Variants in FLVCR1 observed in about 807,000 individuals in gnomAD.
The protein encoded by FLVCR1 is FLVCR choline and heme transporter 1.
In FLVCR1, 34 loss-of-function variants were observed where a neutral mutation model predicts 53.6. The observed-to-expected ratio is 0.63, with a 90% CI of 0.48 to 0.84. The LOEUF (loss-of-function observed/expected upper bound fraction) is 0.84, where lower values mean the gene tolerates loss of function less well. Among genes scored for constraint, FLVCR1 ranks in the 40% least tolerant of loss-of-function variants. The probability of loss-of-function intolerance (pLI) is 0.00; values close to 1 mark genes in which losing one functional copy is unlikely to be tolerated. For synonymous variants in FLVCR1, 300 were observed against 286.3 expected (o/e 1.05, Z -0.48); for missense variants, 677 against 696.7 (o/e 0.97, Z 0.32).
chr1:212,888,094 A>G (rs1177965645), intron 6 of FLVCR1, 93 bp downstream of exon 6: 2 of 768,116 alleles, frequency 2.6e-6, no homozygotes, highest in Non-Finnish European at 4.5e-6. Flanking sequence ...AGTTCATCCA[A>G]AGTTTCTTCA....
chr1:212,861,780 C>T (rs1426256310), intron 1 of FLVCR1, among the ~76,000 whole-genome samples: 1 of 152,082 alleles, frequency 6.6e-6, no homozygotes, highest in Non-Finnish European at 1.5e-5. Flanking sequence ...TGCCATTCTC[C>T]TGCCTCAGCC....
intron 1 of FLVCR1, 96 bp from the exon 2 acceptor site, chr1:212,863,629 A>T: frequency 9.1e-7 from 1 of 1,095,966 alleles, no homozygotes. Flanking sequence ...AAGCACCTTT[A>T]TAAACACTAG....
rs557583474 is a variant in FLVCR1 at position 212,888,793 on chromosome 1, T to TC, written c.1413+205dup. On this transcript the variant is annotated intron_variant, in intron 7 of 9. Coordinates refer to ENST00000366971, the MANE Select transcript of FLVCR1 (RefSeq NM_014053.4). ...TCAAACTCCTAGGCTCAAGCAATCC[T>TC]CCCCCCTCTGCCTCCAGAGTTTTTG... 6.4e-4 allele frequency among the ~76,000 whole-genome samples: 97 copies of TC among 152,192 alleles called. 1 individual carries two copies. In the South Asian group the frequency reaches 0.018, roughly 29 times the overall value.
intron 5 of FLVCR1, among the ~76,000 whole-genome samples, chr1:212,887,115 A>G (rs957693446): frequency 2.0e-5 from 3 of 152,224 alleles, no homozygotes; most frequent in Non-Finnish European, 4.4e-5. Context: ...AAGTATCTCT[A>G]ATCTTGAAAT....
chr1:212,892,050 C>T (rs76081053), intron 8 of FLVCR1, among the ~76,000 whole-genome samples: 4,559 of 152,172 alleles, frequency 0.03, 108 homozygotes, highest in Non-Finnish European at 0.045. Context: ...GAGAAAGTTG[C>T]GGAAGAAAAG....
chr1:212,896,832 A>T lies in FLVCR1; in HGVS notation c.*1542A>T, dbSNP rs935184353. 1.5e-5 allele frequency: 2 copies of T among 137,682 alleles called. No individual in the cohort carries two copies. Among genetic ancestry groups the T allele is most frequent in the African/African-American group, 5.6e-5 (2 of 35,430 alleles). The allele number at this position is 137,682 out of a possible 1,614,324, so 8.5% of individuals were successfully genotyped here. A position where few individuals can be genotyped will look rare whatever the true frequency, so the allele number is the denominator to read the frequency against. ...CAGGAGTTCAAGACCAGCCTGGCCA[A>T]CATGGTAAAACCCCATCTCTACTAA... On this transcript the variant is annotated 3_prime_UTR_variant, in exon 10 of 10. Coordinates refer to ENST00000366971, the MANE Select transcript of FLVCR1 (RefSeq NM_014053.4).
In FLVCR1 at chr1:212,885,507, G is replaced by A. The variant is rs889290771; in HGVS notation, c.1196+111G>A. 20 of 734,440 alleles carry A rather than the reference G, an allele frequency of 2.7e-5. 1 individual carries two copies. The highest frequency in any genetic ancestry group is 8.8e-5 in the African/African-American group (5 of 57,130). 45.5% of individuals were successfully genotyped at this position (734,440 alleles called of 1,614,324 possible). A position where few individuals can be genotyped will look rare whatever the true frequency, so the allele number is the denominator to read the frequency against. ...AAAACATGTTATTACTTAAAGATAC[G>A]GATTCTAAACACTAGTAGGTTCTCT... On this transcript the variant is annotated intron_variant, in intron 5 of 9. Coordinates refer to ENST00000366971, the MANE Select transcript of FLVCR1 (RefSeq NM_014053.4).
chr1:212,893,794 A>T (rs1665263429), intron 8 of FLVCR1, among the ~76,000 whole-genome samples: 1 of 152,142 alleles, frequency 6.6e-6, no homozygotes, highest in East Asian at 1.9e-4. Context: ...TGTTTTTTTG[A>T]GATGGAGTTT....
intron 2 of FLVCR1, among the ~76,000 whole-genome samples, chr1:212,867,821 T>G (rs1572011672): frequency 8.0e-6 from 1 of 124,334 alleles, no homozygotes; most frequent in Admixed American, 8.4e-5. Flanking sequence ...TTTTTTTTTT[T>G]GAGATGGAGT....
chr1:212,890,690 G>C (rs1246394814), intron 8 of FLVCR1, among the ~76,000 whole-genome samples: 2 of 152,166 alleles, frequency 1.3e-5, no homozygotes, highest in Non-Finnish European at 2.9e-5. Flanking sequence ...GTGCTTCGTT[G>C]ATCTGGTTAT....
Position 212,860,350 on chromosome 1 carries a change from G to GTTTTT in FLVCR1, c.738+1174_738+1178dup, listed in dbSNP as rs567270153. On this transcript the variant is annotated intron_variant, in intron 1 of 9. Coordinates refer to ENST00000366971, the MANE Select transcript of FLVCR1 (RefSeq NM_014053.4). The stretch of plus-strand genomic sequence containing the variant: ...TATTATAAAGTTTTTTGTGTGTGTG[G>GTTTTT]TTTTTTTTTTTTTTTTTTGTAGAAA... Among the ~76,000 whole-genome samples, 33 of 85,850 alleles carry GTTTTT rather than the reference G, an allele frequency of 3.8e-4. 4 individuals carry two copies. The highest frequency in any genetic ancestry group is 8.2e-4 in the East Asian group (2 of 2,432). The allele number at this position is 85,850 out of a possible 152,430, so 56.3% of individuals were successfully genotyped here. A position where few individuals can be genotyped will look rare whatever the true frequency, so the allele number is the denominator to read the frequency against.
At chr1:212,881,785 G>C (rs1175104834) in intron 3 of FLVCR1, among the ~76,000 whole-genome samples, 4 of 152,288 alleles carry the variant, frequency 2.6e-5, no homozygotes, top group South Asian at 2.1e-4. Flanking sequence ...TAGACTATGA[G>C]AAAATTGTCT....
chr1:212,889,163 C>T lies in FLVCR1; in HGVS notation c.1431C>T (p.Phe477=). The change falls in exon 8 of 10, where the codon TTC becomes TTT. Residue 477 remains phenylalanine, a synonymous_variant. Coordinates refer to ENST00000366971, the MANE Select transcript of FLVCR1 (RefSeq NM_014053.4). The stretch of plus-strand genomic sequence containing the variant: ...TATTTTAGATATTTGGAATTTTGTT[C>T]ACATTGGCTCAAGGAAAGCTCACAT... ...NASAQIFGIL[F]TLAQGKLTSD... The T allele has an allele frequency of 1.2e-6, 2 of 1,610,850 alleles. No individual in the cohort carries two copies. The highest frequency in any genetic ancestry group is 1.1e-5 in the South Asian group (1 of 90,970).
chr1:212,893,075 T>A (rs12126400), intron 8 of FLVCR1, among the ~76,000 whole-genome samples: 22 of 83,390 alleles, frequency 2.6e-4, no homozygotes, highest in Non-Finnish European at 2.4e-4. Flanking sequence ...TGGGGGGGGG[T>A]GCCGGAATGT....
In FLVCR1 at chr1:212,859,124, C is replaced by A. The variant is rs757289916; in HGVS notation, c.672C>A (p.Ile224=). 6.2e-7 allele frequency: 1 copy of A among 1,613,988 alleles called. No individual in the cohort carries two copies. The highest frequency in any genetic ancestry group is 2.2e-5 in the East Asian group (1 of 44,866). ...TCATCCTGGGCTTGCCCTCCCGCAT[C>A]GCCTCAGTGTGGTTTGGGCCCAAAG... is the stretch of plus-strand genomic sequence containing the variant. ...QVFILGLPSR[I]ASVWFGPKEV... The change falls in exon 1 of 10, where the codon ATC becomes ATA. Residue 224 remains isoleucine, a synonymous_variant. Coordinates refer to ENST00000366971, the MANE Select transcript of FLVCR1 (RefSeq NM_014053.4).
At chr1:212,876,660 C>T (rs529774982) in intron 3 of FLVCR1, among the ~76,000 whole-genome samples, 46 of 152,076 alleles carry the variant, frequency 3.0e-4, no homozygotes, top group Non-Finnish European at 4.1e-4. Context: ...CCACTGCGCC[C>T]GGCCTGATCT....
intron 8 of FLVCR1, among the ~76,000 whole-genome samples, chr1:212,889,877 C>G (rs1665147742): frequency 1.3e-5 from 2 of 152,088 alleles, no homozygotes; most frequent in African/African-American, 4.8e-5. Flanking sequence ...TCAAATCCTC[C>G]TTTCCTTATT....
chr1:212,865,981 G>GTTTTTTTTTTTTTTTT (rs1319691717), intron 2 of FLVCR1, among the ~76,000 whole-genome samples: 1 of 41,298 alleles, frequency 2.4e-5, no homozygotes, highest in Non-Finnish European at 6.1e-5. Flanking sequence ...TTGGGGTTTG[G>GTTTTTTTTTTTTTTTT]TTTTTTTTTT....
chr1:212,863,099 A>T (rs1290195328), intron 1 of FLVCR1, among the ~76,000 whole-genome samples: 2 of 152,176 alleles, frequency 1.3e-5, no homozygotes, highest in Non-Finnish European at 2.9e-5. Flanking sequence ...CTGATTCTGT[A>T]GGTCATCTTT....
Sources: allele counts gnomAD v4.1 joint callset (sites outside exome capture counted in the v4.1 genomes callset), GRCh38; gene constraint gnomAD v4.1.1; transcripts MANE v1.5; gene names NCBI Gene and HGNC (gene_info 2026-07-23, HGNC 2026-07-21).